Variants in WWOX observed in about 807,000 individuals in gnomAD.
The protein encoded by WWOX is WW domain containing oxidoreductase, also known as WW domain-containing oxidoreductase.
A neutral mutation model predicts 46.2 loss-of-function variants in WWOX; 69 were observed. The ratio of observed to expected loss-of-function variants is 1.49; its 90% CI spans 1.23 to 1.82. The LOEUF is 1.82. Among genes scored for constraint, WWOX ranks in the 40% most tolerant of loss-of-function variants. The pLI is 0.00. For synonymous variants in WWOX, 359 were observed against 202.6 expected (o/e 1.77, Z -6.56); for missense variants, 919 against 542.6 (o/e 1.69, Z -6.89).
intron 8 of WWOX, among the ~76,000 whole-genome samples, chr16:78,926,891 G>C (rs1367470845): frequency 6.6e-6 from 1 of 152,024 alleles, no homozygotes; most frequent in Non-Finnish European, 1.5e-5. Context: ...CTACTTCCTG[G>C]GCTCAAGTGA....
chr16:78,208,951 G>C (rs994805407), intron 5 of WWOX, among the ~76,000 whole-genome samples: 1 of 151,996 alleles, frequency 6.6e-6, no homozygotes, highest in Non-Finnish European at 1.5e-5. Context: ...ATTAAGTGCA[G>C]CATCTGGGGA....
chr16:78,505,357 T>C (rs2085168629), intron 8 of WWOX, among the ~76,000 whole-genome samples: 2 of 152,186 alleles, frequency 1.3e-5, no homozygotes, highest in Non-Finnish European at 2.9e-5. Context: ...TAGCCTAGTT[T>C]CTAGAATAAA....
chr16:78,516,102 G>C (rs146422575), intron 8 of WWOX, among the ~76,000 whole-genome samples: 252 of 152,134 alleles, frequency 1.7e-3, no homozygotes, highest in African/African-American at 5.8e-3. Context: ...CAAATGAATA[G>C]CAAGAAAAAT....
At chr16:78,489,108 C>G (rs938985921) in intron 8 of WWOX, among the ~76,000 whole-genome samples, 2 of 152,118 alleles carry the variant, frequency 1.3e-5, no homozygotes, top group African/African-American at 4.8e-5. Context: ...ATGCTTGTTA[C>G]TAGCAGATCA....
chr16:78,572,307 G>T (rs117545177), intron 8 of WWOX, among the ~76,000 whole-genome samples: 2,736 of 152,234 alleles, frequency 0.018, 47 homozygotes, highest in Admixed American at 0.042. Flanking sequence ...TTAAAACAGC[G>T]TTTACAGCTG....
At chr16:78,799,018 G>A (rs918808022) in intron 8 of WWOX, among the ~76,000 whole-genome samples, 2 of 152,112 alleles carry the variant, frequency 1.3e-5, no homozygotes, top group Non-Finnish European at 2.9e-5. Context: ...ATGCTTTTCC[G>A]GTGGGATGCA....
At chr16:78,164,110 G>A (rs1008357482) in intron 4 of WWOX, 73 bp from the exon 5 acceptor site, 8 of 1,378,640 alleles carry the variant, frequency 5.8e-6, no homozygotes, top group South Asian at 1.2e-5. Context: ...GTGGTGCTCC[G>A]GTAAAGGCCA....
intron 8 of WWOX, among the ~76,000 whole-genome samples, chr16:78,659,156 A>C (rs1056819971): frequency 1.3e-5 from 2 of 151,924 alleles, no homozygotes; most frequent in Non-Finnish European, 2.9e-5. Context: ...ATAAATTTGG[A>C]AGAAATGCTC....
chr16:79,040,776 C>G (rs1285361794), intron 8 of WWOX, among the ~76,000 whole-genome samples: 1 of 152,032 alleles, frequency 6.6e-6, no homozygotes. Context: ...CACTCTTAGA[C>G]CTTCTTCTGA....
chr16:78,219,704 G>C (rs1260468757), intron 5 of WWOX, among the ~76,000 whole-genome samples: 1 of 152,114 alleles, frequency 6.6e-6, no homozygotes, highest in Non-Finnish European at 1.5e-5. Flanking sequence ...ATAAAGCTCT[G>C]TTACCACGAC....
At chr16:79,194,316 A>C (rs1030789252) in intron 8 of WWOX, among the ~76,000 whole-genome samples, 5 of 152,148 alleles carry the variant, frequency 3.3e-5, no homozygotes, top group African/African-American at 7.2e-5. Context: ...TCATTCATTC[A>C]TCCTTTTAGA....
intron 8 of WWOX, among the ~76,000 whole-genome samples, chr16:79,162,423 C>G (rs8063506): frequency 6.6e-6 from 1 of 152,158 alleles, no homozygotes; most frequent in Non-Finnish European, 1.5e-5. Context: ...AAGTTAGGGG[C>G]TTCTTCTGGA....
At chr16:79,014,851 T>G (rs1233570065) in intron 8 of WWOX, among the ~76,000 whole-genome samples, 1 of 152,246 alleles carries the variant, frequency 6.6e-6, no homozygotes, top group Non-Finnish European at 1.5e-5. Context: ...TATCTGATTC[T>G]CTTTTACAAG....
At chr16:78,502,676 A>G (rs1012208726) in intron 8 of WWOX, among the ~76,000 whole-genome samples, 26 of 152,154 alleles carry the variant, frequency 1.7e-4, no homozygotes, top group African/African-American at 6.0e-4. Flanking sequence ...TTTTCATTCC[A>G]ATATCCTTTG....
At chr16:78,961,882 A>C (rs72808746) in intron 8 of WWOX, among the ~76,000 whole-genome samples, 140 of 152,282 alleles carry the variant, frequency 9.2e-4, no homozygotes, top group Non-Finnish European at 1.5e-3. Context: ...CTGTGGTTCC[A>C]CATTGACTGC....
rs140102369 is a variant in WWOX, at chr16:78,661,276, C to T, written c.1056+228524C>T. ...GCAGCAACAGAGAGGACTGGAATGC[C>T]ATTGACAGGTCCCACAAGTCAGCAA... On this transcript the variant is annotated intron_variant, in intron 8 of 8. Transcript: ENST00000566780. 8.7e-3 allele frequency among the ~76,000 whole-genome samples: 1,322 copies of T among 152,300 alleles called. 20 individuals are homozygous for T. Among genetic ancestry groups the T allele is most frequent in the African/African-American group, 0.029 (1,218 of 41,562 alleles).
intron 8 of WWOX, among the ~76,000 whole-genome samples, chr16:78,869,748 C>T (rs1597085324): frequency 6.6e-6 from 1 of 152,192 alleles, no homozygotes; most frequent in East Asian, 1.9e-4. Context: ...AGTTTCTAAA[C>T]AACAATAAGT....
intron 8 of WWOX, among the ~76,000 whole-genome samples, chr16:78,848,334 C>CAGT (rs2052353137): frequency 1.3e-5 from 2 of 152,204 alleles, no homozygotes; most frequent in South Asian, 4.1e-4. Context: ...CCCCCACAGA[C>CAGT]CTTCCCAGAC....
At chr16:78,907,017 A>C (rs1298420816) in intron 8 of WWOX, among the ~76,000 whole-genome samples, 1 of 152,186 alleles carries the variant, frequency 6.6e-6, no homozygotes, top group African/African-American at 2.4e-5. Context: ...TTATCTAGAC[A>C]GGGGAATTGC....
Sources: gnomAD v4.1 joint callset for allele counts (sites outside exome capture counted in the v4.1 genomes callset) on GRCh38, gnomAD v4.1.1 for gene constraint, MANE v1.5 for transcripts, NCBI Gene and HGNC (gene_info 2026-07-23, HGNC 2026-07-21) for gene names.